The following PZP variants were observed in gnomAD, a reference collection of about 807,000 sequenced individuals.
PZP encodes PZP alpha-2-macroglobulin like.
In PZP, 150 loss-of-function variants were observed where a neutral mutation model predicts 179.8. That is an observed-to-expected ratio of 0.83 (90% CI 0.73 to 0.96). The LOEUF (loss-of-function observed/expected upper bound fraction) is 0.96. Among genes scored for constraint, PZP ranks in the 40% least tolerant of loss-of-function variants. PZP has a pLI of 0.00. For missense variants in PZP, 1,689 were observed against 1,764.0 expected (o/e 0.96, Z 0.76); for synonymous variants, 624 against 652.3 (o/e 0.96, Z 0.66).
rs1423406241 is a variant in PZP, at chr12:9,178,113, A to T, written c.1839+2870T>A. On this transcript the variant is annotated intron_variant, in intron 15 of 35. Transcript: ENST00000261336. Reference sequence around the variant, plus strand: ...ATCAAGATCAAGAAAAATTTTGATTATAGCAATCCCCCAATCTGCGGTTTT... The same window carrying T: ...ATCAAGATCAAGAAAAATTTTGATTTTAGCAATCCCCCAATCTGCGGTTTT... Among the ~76,000 whole-genome samples, 12 of 152,344 alleles carry T rather than the reference A, an allele frequency of 7.9e-5. No homozygotes were observed. The East Asian group carries it at 2.1e-3, about 27-fold the overall frequency.
At chr12:9,162,383 A>G (rs1941271931) in intron 22 of PZP, 2 of 521,432 alleles carry the variant, frequency 3.8e-6, no homozygotes, top group Admixed American at 3.7e-5. Flanking sequence ...AAGCCCAGGT[A>G]TTAGTCCTGT....
intron 32 of PZP, 59 bp from the exon 33 acceptor site, chr12:9,151,731 G>C: frequency 7.3e-7 from 1 of 1,365,274 alleles, no homozygotes; most frequent in Non-Finnish European, 1.0e-6. Context: ...AATGGTGTGA[G>C]ATCTAGAGCA....
chr12:9,194,733 G>C (rs776407307), intron 10 of PZP, among the ~76,000 whole-genome samples: 1 of 152,088 alleles, frequency 6.6e-6, no homozygotes, highest in African/African-American at 2.4e-5. Flanking sequence ...GAAAGTGCTG[G>C]GATTACAGGC....
chr12:9,206,031 A>T (rs1253012843), intron 1 of PZP, among the ~76,000 whole-genome samples: 1 of 152,182 alleles, frequency 6.6e-6, no homozygotes, highest in South Asian at 2.1e-4. Context: ...ATGAGTAGTA[A>T]GGTTTTGTTC....
chr12:9,205,716 C>T lies in PZP; in HGVS notation c.84-1765G>A, dbSNP rs956075311. 2.0e-5 allele frequency among the ~76,000 whole-genome samples: 3 copies of T among 152,150 alleles called. No homozygotes were observed. In the South Asian group the frequency reaches 6.2e-4, roughly 32 times the overall value. On this transcript the variant is annotated intron_variant, in intron 1 of 35. Coordinates refer to ENST00000261336, the MANE Select transcript of PZP (RefSeq NM_002864.3). ...ATTATTTTCTTATATTATTTTACTA[C>T]CCTTACTTTCCATTGCCAACATAAA...
chr12:9,164,343 GC>G, intron 19 of PZP, 84 bp from the exon 20 acceptor site: 1 of 1,424,740 alleles, frequency 7.0e-7, no homozygotes, highest in Non-Finnish European at 9.6e-7. Flanking sequence ...AGTGTGAGAT[GC>G]TGCAGTAAAT....
At position 9,153,219 on chromosome 12, in the gene PZP, T is replaced by A; in HGVS notation, c.3899A>T (p.Asn1300Ile). Residue 1300 changes from asparagine (N) to isoleucine (I), a missense_variant, in exon 30 of 36, where the codon AAC becomes ATC. Coordinates refer to ENST00000261336, the MANE Select transcript of PZP (RefSeq NM_002864.3). ...QTFSTNFQVD[N>I]NNLLLLQQIS... is the part of the protein sequence containing the mutation. ...CTGCTGCAGTAATAGGAGGTTGTTG[T>A]TGTCTACTTGGAAATTTGTAGAAAA... 2 of 1,614,190 alleles carry A rather than the reference T, an allele frequency of 1.2e-6. No homozygotes were observed. Among genetic ancestry groups the A allele is most frequent in the Non-Finnish European group, 8.5e-7 (1 of 1,180,006 alleles).
the PZP span, among the ~76,000 whole-genome samples, chr12:9,142,232 C>G: frequency 6.6e-6 from 1 of 152,088 alleles, no homozygotes. Flanking sequence ...CCTAAGGCCA[C>G]AAAATTAGAA....
At chr12:9,140,926 T>A in the PZP span, among the ~76,000 whole-genome samples, 1 of 152,312 alleles carries the variant, frequency 6.6e-6, no homozygotes, top group Non-Finnish European at 1.5e-5. Flanking sequence ...GTTTTTCAAA[T>A]CATGTTCTGT....
chr12:9,197,851 TATTA>T (rs1467124244), intron 7 of PZP, among the ~76,000 whole-genome samples: 5 of 116,466 alleles, frequency 4.3e-5, no homozygotes, highest in Non-Finnish European at 1.6e-5. Flanking sequence ...TAATATATAA[TATTA>T]ATTATATATA....
At chr12:9,174,083 A>G (rs11049235) in intron 15 of PZP, among the ~76,000 whole-genome samples, 90,397 of 152,042 alleles carry the variant, frequency 0.59, 27,825 homozygotes, top group East Asian at 0.83. Context: ...CCTCAACAAA[A>G]TACTTGCAAA....
chr12:9,183,750 T>G (rs1942925092), intron 13 of PZP, among the ~76,000 whole-genome samples: 1 of 152,204 alleles, frequency 6.6e-6, no homozygotes. Flanking sequence ...CAATTAAAAA[T>G]TGTTATAACT....
At chr12:9,203,631 G>T in intron 2 of PZP, 137 bp downstream of exon 2, 2 of 1,008,226 alleles carry the variant, frequency 2.0e-6, no homozygotes, top group Non-Finnish European at 2.9e-6. Context: ...GTGAGCCACC[G>T]CACCTGGCCC....
intron 18 of PZP, 25 bp from the exon 19 acceptor site, chr12:9,165,392 C>A (rs747912373): frequency 6.2e-7 from 1 of 1,612,756 alleles, no homozygotes; most frequent in South Asian, 1.1e-5. Flanking sequence ...AAGTGAAGAA[C>A]AGAAATAATG....
intron 4 of PZP, among the ~76,000 whole-genome samples, chr12:9,202,032 A>G (rs1944190328): frequency 6.6e-6 from 1 of 152,194 alleles, no homozygotes; most frequent in Non-Finnish European, 1.5e-5. Flanking sequence ...ATGAATAGGA[A>G]TAGTGCCTTT....
intron 15 of PZP, among the ~76,000 whole-genome samples, chr12:9,173,032 C>T (rs1342458317): frequency 4.6e-5 from 7 of 152,356 alleles, no homozygotes; most frequent in Admixed American, 3.9e-4. Context: ...ACATTCTTCT[C>T]ATTGCCACAT....
At chr12:9,180,275 T>C (rs1184164671) in intron 15 of PZP, among the ~76,000 whole-genome samples, 1 of 152,148 alleles carries the variant, frequency 6.6e-6, no homozygotes, top group Non-Finnish European at 1.5e-5. Flanking sequence ...CCAATGACTT[T>C]CTTCACAGAA....
chr12:9,166,480 T>A (rs1202897140), intron 17 of PZP, among the ~76,000 whole-genome samples: 1 of 152,086 alleles, frequency 6.6e-6, no homozygotes, highest in East Asian at 1.9e-4. Context: ...GTTTTATGGG[T>A]TTTGTGGCGA....
At chr12:9,202,272 T>A (rs1329512745) in intron 4 of PZP, 47 bp downstream of exon 4, 1 of 1,485,136 alleles carries the variant, frequency 6.7e-7, no homozygotes, top group Non-Finnish European at 9.4e-7. Flanking sequence ...TCTGGGTGAG[T>A]ATTCCCACTC....
Sources: allele counts gnomAD v4.1 joint callset (sites outside exome capture counted in the v4.1 genomes callset), GRCh38; gene constraint gnomAD v4.1.1; transcripts MANE v1.5; gene names NCBI Gene and HGNC (gene_info 2026-07-23, HGNC 2026-07-21).